BAZ2B: variants seen among roughly 807,000 people sequenced by gnomAD.
The protein encoded by BAZ2B is bromodomain adjacent to zinc finger domain protein 2B.
A neutral mutation model predicts 246.0 loss-of-function variants in BAZ2B; 91 were observed. The observed-to-expected ratio is 0.37, with a 90% CI of 0.31 to 0.44. The LOEUF (loss-of-function observed/expected upper bound fraction) is 0.44, where lower values mean the gene tolerates loss of function less well. Among genes scored for constraint, BAZ2B ranks in the 20% least tolerant of loss-of-function variants. The pLI is 1.00. For synonymous variants in BAZ2B, 855 were observed against 860.0 expected (o/e 0.99, Z 0.10); for missense variants, 2,332 against 2,533.7 (o/e 0.92, Z 1.71).
the BAZ2B span, among the ~76,000 whole-genome samples, chr2:159,663,305 A>C: frequency 6.7e-6 from 1 of 149,264 alleles, no homozygotes; most frequent in Non-Finnish European, 1.5e-5. Flanking sequence ...AGGCTCAAGC[A>C]ATTCTCCTGC....
chr2:159,602,541 T>C (rs1692407005), intron 1 of BAZ2B, among the ~76,000 whole-genome samples: 2 of 152,246 alleles, frequency 1.3e-5, no homozygotes, highest in African/African-American at 2.4e-5. Flanking sequence ...TTTACATCTA[T>C]AGTATGGTTA....
intron 4 of BAZ2B, 86 bp downstream of exon 4, chr2:159,453,527 T>C (rs1169551323): frequency 5.7e-6 from 8 of 1,392,844 alleles, no homozygotes; most frequent in Non-Finnish European, 7.6e-6. Flanking sequence ...CATTAGACTA[T>C]TCCTTTTGTT....
intron 21 of BAZ2B, among the ~76,000 whole-genome samples, chr2:159,388,490 G>T (rs12692547): frequency 0.32 from 48,461 of 151,944 alleles, 8,082 homozygotes; most frequent in South Asian, 0.46. Flanking sequence ...ATGATAAACA[G>T]TATAGGCTCT....
chr2:159,599,891 G>A (rs1039057126), intron 1 of BAZ2B, among the ~76,000 whole-genome samples: 2 of 145,022 alleles, frequency 1.4e-5, no homozygotes, highest in East Asian at 2.0e-4. Flanking sequence ...AGCTCAGATC[G>A]CGCCACTGCA....
intron 13 of BAZ2B, among the ~76,000 whole-genome samples, chr2:159,424,977 G>A (rs572210728): frequency 6.6e-6 from 1 of 152,144 alleles, no homozygotes; most frequent in East Asian, 1.9e-4. Flanking sequence ...CAGATATGGA[G>A]GGCTGACTGT....
chr2:159,680,444 G>A, the BAZ2B span, among the ~76,000 whole-genome samples: 2 of 152,148 alleles, frequency 1.3e-5, no homozygotes, highest in South Asian at 2.1e-4. Context: ...AGATTAAAAT[G>A]TCAAATAAAA....
intron 27 of BAZ2B, among the ~76,000 whole-genome samples, chr2:159,354,687 G>T (rs1291024221): frequency 1.3e-5 from 2 of 151,988 alleles, no homozygotes; most frequent in African/African-American, 4.8e-5. Flanking sequence ...ATATATATGG[G>T]ATATTTAGTG....
At chr2:159,597,206 T>C (rs1312619068) in intron 1 of BAZ2B, among the ~76,000 whole-genome samples, 1 of 152,250 alleles carries the variant, frequency 6.6e-6, no homozygotes, top group African/African-American at 2.4e-5. Context: ...TTGAGAATTG[T>C]CTACTCATGT....
At chr2:159,434,943 A>C (rs1462944815) in intron 8 of BAZ2B, 1 of 152,058 alleles carries the variant, frequency 6.6e-6, no homozygotes, top group African/African-American at 2.4e-5. Flanking sequence ...AATTTTATTA[A>C]GCTACTATAA....
intron 8 of BAZ2B, among the ~76,000 whole-genome samples, chr2:159,436,880 T>C (rs1246261047): frequency 6.6e-6 from 1 of 152,250 alleles, no homozygotes; most frequent in Non-Finnish European, 1.5e-5. Context: ...GTAAGGGTAC[T>C]GAAGGATTCA....
Position 159,431,121 on chromosome 2 carries a change from A to T in BAZ2B, c.1936T>A (p.Ser646Thr). The change falls in exon 10 of 37, where the codon TCA (serine) becomes ACA (threonine). Residue 646 changes from serine to threonine, a missense_variant. Physicochemically the swap from Ser to Thr is moderately conservative, Grantham distance 58 (BLOSUM62 1). Around this residue, in one of 9 missense-constraint regions of BAZ2B, gnomAD observed 651 missense variants for 650.9 expected, o/e 1.00. Transcript: ENST00000392783. ...TTATCATCATCATCTTCTTCTTCTG[A>T]TCCTTCTGTATCTGATTCTGAATTA... ...DSNSESDTEG[S>T]EEEDDDDKDQ... is the part of the protein sequence containing the mutation. 1 of 1,610,342 alleles carries T rather than the reference A, an allele frequency of 6.2e-7. No individual in the cohort carries two copies. The highest frequency in any genetic ancestry group is 8.5e-7 in the Non-Finnish European group (1 of 1,177,182).
intron 2 of BAZ2B, among the ~76,000 whole-genome samples, chr2:159,544,666 G>A (rs563306206): frequency 6.6e-6 from 1 of 152,156 alleles, no homozygotes; most frequent in African/African-American, 2.4e-5. Context: ...AATGTTGGGC[G>A]GAAAGGGAAC....
intron 2 of BAZ2B, among the ~76,000 whole-genome samples, chr2:159,493,439 A>G (rs2080725948): frequency 6.6e-6 from 1 of 152,182 alleles, no homozygotes; most frequent in Non-Finnish European, 1.5e-5. Flanking sequence ...GACTATTAAA[A>G]CTGTTAAAAC....
chr2:159,397,302 T>C (rs766080324), intron 19 of BAZ2B, 43 bp downstream of exon 19: 27 of 1,417,422 alleles, frequency 1.9e-5, no homozygotes, highest in Non-Finnish European at 2.3e-5. Flanking sequence ...AGCAATATTA[T>C]AAAATGTACA....
intron 2 of BAZ2B, among the ~76,000 whole-genome samples, chr2:159,511,467 A>C (rs1309782220): frequency 6.6e-6 from 1 of 152,156 alleles, no homozygotes; most frequent in African/African-American, 2.4e-5. Flanking sequence ...TGGCCACCCA[A>C]AGTGCTGGCA....
At chr2:159,697,993 T>C in the BAZ2B span, among the ~76,000 whole-genome samples, 3 of 152,196 alleles carry the variant, frequency 2.0e-5, no homozygotes, top group Admixed American at 1.3e-4. Context: ...CTTTTGTTTT[T>C]TCATATGAAA....
chr2:159,416,371 T>C (rs2067712262), intron 13 of BAZ2B, among the ~76,000 whole-genome samples: 1 of 152,230 alleles, frequency 6.6e-6, no homozygotes, highest in East Asian at 1.9e-4. Flanking sequence ...CATAGTTTTA[T>C]GTCAGGTTAT....
At chr2:159,609,393 C>T (rs1332446896) in intron 1 of BAZ2B, among the ~76,000 whole-genome samples, 2 of 152,180 alleles carry the variant, frequency 1.3e-5, no homozygotes, top group African/African-American at 4.8e-5. Flanking sequence ...TACACCACCA[C>T]TCATAAGCTA....
intron 2 of BAZ2B, among the ~76,000 whole-genome samples, chr2:159,507,218 G>C (rs950135957): frequency 3.3e-5 from 5 of 152,138 alleles, no homozygotes; most frequent in Admixed American, 1.3e-4. Context: ...CAAAAAACTT[G>C]AGGTTTCCTG....
Sources: allele counts gnomAD v4.1 joint callset (sites outside exome capture counted in the v4.1 genomes callset), GRCh38; gene constraint gnomAD v4.1.1; regional missense constraint gnomAD v4.1.1; transcripts MANE v1.5; gene names NCBI Gene and HGNC (gene_info 2026-07-23, HGNC 2026-07-21).